Variants in AGBL4 observed in about 807,000 individuals in gnomAD.
AGBL4 encodes the protein AGBL carboxypeptidase 4.
A neutral mutation model predicts 66.4 loss-of-function variants in AGBL4; 58 were observed. The observed-to-expected ratio is 0.87, with a 90% CI of 0.71 to 1.09. The LOEUF is 1.09. AGBL4 is among the 50% of genes least tolerant of loss of function. The pLI, the probability that AGBL4 is intolerant of heterozygous loss-of-function variation, is 0.00. For synonymous variants in AGBL4, 234 were observed against 222.9 expected, an observed-to-expected ratio of 1.05 and a Z score of -0.44; for missense variants, 579 against 631.0, an observed-to-expected ratio of 0.92 and a Z score of 0.88.
intron 2 of AGBL4, among the ~76,000 whole-genome samples, chr1:49,704,899 T>C (rs1459869958): frequency 6.6e-6 from 1 of 152,200 alleles, no homozygotes; most frequent in African/African-American, 2.4e-5. Flanking sequence ...TAGGATTGTT[T>C]TGAATATACA....
At chr1:49,217,401 C>G (rs1369318711) in intron 4 of AGBL4, among the ~76,000 whole-genome samples, 1 of 152,048 alleles carries the variant, frequency 6.6e-6, no homozygotes, top group Non-Finnish European at 1.5e-5. Context: ...AATGCATGAC[C>G]AGTTCCCATT....
chr1:49,431,851 C>T (rs1391391686), intron 3 of AGBL4, among the ~76,000 whole-genome samples: 2 of 152,038 alleles, frequency 1.3e-5, no homozygotes, highest in African/African-American at 4.8e-5. Context: ...AATACTGTGG[C>T]AGGCCAGGTC....
At chr1:48,768,157 A>G (rs895101025) in intron 6 of AGBL4, among the ~76,000 whole-genome samples, 1 of 126,058 alleles carries the variant, frequency 7.9e-6, no homozygotes, top group African/African-American at 3.0e-5. Flanking sequence ...AACTTCCTCA[A>G]ATGAACTAAA....
chr1:48,726,656 A>G (rs752859374), intron 6 of AGBL4, among the ~76,000 whole-genome samples: 6 of 152,224 alleles, frequency 3.9e-5, no homozygotes, highest in Non-Finnish European at 8.8e-5. Context: ...TTAAAATAAA[A>G]GTTCTCAAAG....
intron 3 of AGBL4, among the ~76,000 whole-genome samples, chr1:49,276,834 T>G (rs568551906): frequency 4.6e-5 from 7 of 152,284 alleles, no homozygotes; most frequent in Admixed American, 3.9e-4. Context: ...CACTGGGGGT[T>G]GGGGTAATCA....
intron 3 of AGBL4, among the ~76,000 whole-genome samples, chr1:49,536,084 A>C (rs1041189113): frequency 1.3e-5 from 2 of 152,244 alleles, no homozygotes; most frequent in Admixed American, 6.5e-5. Flanking sequence ...AAGTCATAAA[A>C]TATTTATTTA....
intron 5 of AGBL4, among the ~76,000 whole-genome samples, chr1:48,936,756 T>G (rs1250651991): frequency 2.0e-5 from 3 of 152,192 alleles, no homozygotes; most frequent in Non-Finnish European, 4.4e-5. Flanking sequence ...CCTTTATTTA[T>G]TTCATATTAT....
intron 3 of AGBL4, among the ~76,000 whole-genome samples, chr1:49,396,101 G>T (rs888430248): frequency 1.3e-5 from 2 of 151,544 alleles, no homozygotes; most frequent in African/African-American, 4.9e-5. Flanking sequence ...AGGGATTATT[G>T]TTCTCCCATG....
rs908268107 is a variant in AGBL4 at position 49,358,603 on chromosome 1, A to G, written c.283-112739T>C. 1.4e-4 allele frequency among the ~76,000 whole-genome samples: 21 copies of G among 152,160 alleles called. No individual in the cohort carries two copies. In the East Asian group the frequency reaches 3.7e-3, roughly 27 times the overall value. ...TGAACACTTTTACTAACAAGAAATC[A>G]TTTTCCTGTGAAACAGTTCGTTTGA... On this transcript the variant is annotated intron_variant, in intron 3 of 13. Transcript: ENST00000371839.
At chr1:49,719,485 T>C (rs1030377340) in intron 2 of AGBL4, among the ~76,000 whole-genome samples, 2 of 152,166 alleles carry the variant, frequency 1.3e-5, no homozygotes, top group African/African-American at 4.8e-5. Context: ...AACATGTTTG[T>C]GATCGTGGCT....
chr1:49,636,947 A>T (rs1278951938), intron 3 of AGBL4, among the ~76,000 whole-genome samples: 1 of 152,162 alleles, frequency 6.6e-6, no homozygotes, highest in Non-Finnish European at 1.5e-5. Flanking sequence ...GGAAAGGCAG[A>T]CCCACCCGTA....
At chr1:49,924,876 TTGGAATGCAC>T (rs1652606645) in intron 1 of AGBL4, among the ~76,000 whole-genome samples, 1 of 152,150 alleles carries the variant, frequency 6.6e-6, no homozygotes, top group South Asian at 2.1e-4. Context: ...GGATACTGCA[TTGGAATGCAC>T]TGGAATGCAG....
chr1:48,748,401 G>C (rs921751227), intron 6 of AGBL4, among the ~76,000 whole-genome samples: 13 of 152,324 alleles, frequency 8.5e-5, no homozygotes, highest in African/African-American at 3.1e-4. Context: ...CCCTGTGCTA[G>C]GTGGAACTGA....
intron 9 of AGBL4, among the ~76,000 whole-genome samples, chr1:48,610,705 T>A (rs1177287745): frequency 6.6e-6 from 1 of 152,180 alleles, no homozygotes; most frequent in Admixed American, 6.6e-5. Flanking sequence ...TCTTTCACTT[T>A]CCAAGCTTCC....
At chr1:49,267,785 A>G (rs1367773249) in intron 3 of AGBL4, among the ~76,000 whole-genome samples, 1 of 152,228 alleles carries the variant, frequency 6.6e-6, no homozygotes, top group Non-Finnish European at 1.5e-5. Flanking sequence ...GGTAGAAGGC[A>G]AAAGGCACAT....
chr1:49,897,714 C>T (rs781401151), intron 1 of AGBL4, among the ~76,000 whole-genome samples: 15 of 151,836 alleles, frequency 9.9e-5, no homozygotes, highest in Non-Finnish European at 1.0e-4. Context: ...TACTACAGAG[C>T]GATAGTAACT....
At chr1:48,911,760 T>C (rs1158554862) in intron 5 of AGBL4, among the ~76,000 whole-genome samples, 1 of 152,198 alleles carries the variant, frequency 6.6e-6, no homozygotes, top group Non-Finnish European at 1.5e-5. Context: ...ATCCAAATTA[T>C]TATAGTTCAT....
At chr1:49,275,080 T>C (rs1644141473) in intron 3 of AGBL4, among the ~76,000 whole-genome samples, 1 of 152,222 alleles carries the variant, frequency 6.6e-6, no homozygotes, top group African/African-American at 2.4e-5. Context: ...AAGAATCTGT[T>C]TTCTTTTGTC....
intron 3 of AGBL4, among the ~76,000 whole-genome samples, chr1:49,506,700 G>A (rs1476372047): frequency 6.6e-6 from 1 of 152,012 alleles, no homozygotes; most frequent in African/African-American, 2.4e-5. Flanking sequence ...CTGTGTAAGA[G>A]TGGACTAATA....
Sources: gnomAD v4.1 joint callset for allele counts (sites outside exome capture counted in the v4.1 genomes callset) on GRCh38, gnomAD v4.1.1 for gene constraint, MANE v1.5 for transcripts, NCBI Gene and HGNC (gene_info 2026-07-23, HGNC 2026-07-21) for gene names.